Variants in SSBP4 observed in about 807,000 individuals in gnomAD.
The protein encoded by SSBP4 is single-stranded DNA-binding protein 4.
In SSBP4, 33 loss-of-function variants were observed where a neutral mutation model predicts 64.6. That is an observed-to-expected ratio of 0.51 (90% CI 0.39 to 0.68). SSBP4 has a LOEUF of 0.68. Among genes scored for constraint, SSBP4 ranks in the 30% least tolerant of loss-of-function variants. SSBP4 has a pLI of 0.00. For missense variants in SSBP4, 583 were observed against 566.8 expected, an observed-to-expected ratio of 1.03 and a Z score of -0.29; for synonymous variants, 243 against 224.0, an observed-to-expected ratio of 1.08 and a Z score of -0.76.
Position 18,434,284 on chromosome 19 carries a change from T to C in SSBP4, c.*38T>C. ...CCCGGGCCTCTCTGCGGGCCTAGGC[T>C]TCTGCCCAGCGCCCCTGCTCAGGGC... On this transcript the variant is annotated 3_prime_UTR_variant, in exon 18 of 18. Coordinates refer to ENST00000270061, the MANE Select transcript of SSBP4 (RefSeq NM_032627.5). The C allele has an allele frequency of 1.2e-6, 2 of 1,608,184 alleles. No homozygotes were observed. The highest frequency in any genetic ancestry group is 1.7e-6 in the Non-Finnish European group (2 of 1,177,862).
intron 1 of SSBP4, among the ~76,000 whole-genome samples, chr19:18,424,162 T>G (rs1309504279): frequency 6.6e-6 from 1 of 152,186 alleles, no homozygotes; most frequent in Admixed American, 6.5e-5. Context: ...TCCTTTGGCC[T>G]CCCATCGCTC....
At chr19:18,408,457 C>A in the SSBP4 span, among the ~76,000 whole-genome samples, 1 of 151,942 alleles carries the variant, frequency 6.6e-6, no homozygotes, top group African/African-American at 2.4e-5. Flanking sequence ...AGATAATGCC[C>A]CTGAATTGAG....
intron 1 of SSBP4, among the ~76,000 whole-genome samples, chr19:18,421,837 T>C (rs1371584860): frequency 6.6e-6 from 1 of 152,038 alleles, no homozygotes; most frequent in Non-Finnish European, 1.5e-5. Context: ...TGGGAGGCCC[T>C]GGGGATGTGG....
At chr19:18,418,986 C>G, upstream of SSBP4, 1 of 985,628 alleles carries the variant, frequency 1.0e-6, no homozygotes, top group African/African-American at 1.7e-5. This position sits in a 1 kb window ranked among gnomAD's most constrained non-coding sequence, Gnocchi z 6.7. Flanking sequence ...GTGGGTAGCT[C>G]TGCGGGGTGA....
intron 8 of SSBP4, 59 bp downstream of exon 8, chr19:18,431,921 C>T (rs902341431): frequency 2.9e-5 from 45 of 1,564,362 alleles, no homozygotes; most frequent in Non-Finnish European, 3.8e-5. Context: ...GCTCTCAGAG[C>T]CCAGACCTTG....
chr19:18,430,085 C>A (rs1045952907), intron 4 of SSBP4, among the ~76,000 whole-genome samples: 2 of 152,328 alleles, frequency 1.3e-5, no homozygotes, highest in East Asian at 1.9e-4. Flanking sequence ...CCAGAGAGAG[C>A]CCATCACCTT....
At chr19:18,411,707 T>G in the SSBP4 span, among the ~76,000 whole-genome samples, 1 of 152,002 alleles carries the variant, frequency 6.6e-6, no homozygotes, top group Non-Finnish European at 1.5e-5. Context: ...TTTAACATAA[T>G]CATGTCAAAA....
At chr19:18,420,652 G>A (rs986125498) in intron 1 of SSBP4, among the ~76,000 whole-genome samples, 5 of 152,078 alleles carry the variant, frequency 3.3e-5, no homozygotes, top group Admixed American at 6.5e-5. Context: ...GAGGCCAAGA[G>A]ATCGAGACAA....
At position 18,419,660 on chromosome 19, in the gene SSBP4, G is replaced by T; in HGVS notation, c.12G>T (p.Lys4Asn). ...CGGCGTGGAGCAGCATGTACGCCAA[G>T]GGGGGCAAGGGTTCGGCCGTGCCCT... MYA[K>N]GGKGSAVPSD... is the part of the protein sequence containing the mutation. The change falls in exon 1 of 18, where the codon AAG becomes AAT. Residue 4 changes from lysine (K) to asparagine (N), a missense_variant. By Grantham distance (94) the Lys-to-Asn change is moderately conservative (BLOSUM62 0). Coordinates refer to ENST00000270061, the MANE Select transcript of SSBP4 (RefSeq NM_032627.5). The T allele has an allele frequency of 1.6e-6, 2 of 1,241,316 alleles. No homozygotes were observed. The highest frequency in any genetic ancestry group is 4.6e-5 in the South Asian group (2 of 43,154). 76.9% of individuals were successfully genotyped at this position (1,241,316 alleles called of 1,614,324 possible).
chr19:18,432,109 TCCCCGGTCTA>T, intron 9 of SSBP4, 28 bp from the exon 10 acceptor site: 1 of 1,607,576 alleles, frequency 6.2e-7, no homozygotes, highest in Non-Finnish European at 8.5e-7. Context: ...CTTCGGGCTG[TCCCCGGTCTA>T]CCCCTCACAG....
chr19:18,412,350 A>G, the SSBP4 span, among the ~76,000 whole-genome samples: 1 of 150,064 alleles, frequency 6.7e-6, no homozygotes, highest in East Asian at 2.0e-4. Context: ...AATCCCAGCT[A>G]CTCGGGAGGC....
rs111873317 is a variant in SSBP4, at chr19:18,426,878, C to A, written c.60-473C>A. Among the ~76,000 whole-genome samples, 2 of 152,142 alleles carry A rather than the reference C, an allele frequency of 1.3e-5. No homozygotes were observed. Among genetic ancestry groups the A allele is most frequent in the East Asian group, 1.9e-4 (1 of 5,190 alleles). On this transcript the variant is annotated intron_variant, in intron 1 of 17. Transcript: ENST00000270061. This position sits in a 1 kb window ranked among gnomAD's most constrained non-coding sequence, Gnocchi z 4.5. Reference sequence around the variant, plus strand: ...CCATGGTGGATGGGCATCTCTTCCCCAAGGAAGAGATGGGGTCCAGGGACT... The same window carrying A: ...CCATGGTGGATGGGCATCTCTTCCCAAAGGAAGAGATGGGGTCCAGGGACT...
At chr19:18,415,193 G>C (rs1327145714), upstream of SSBP4, among the ~76,000 whole-genome samples, 2 of 152,144 alleles carry the variant, frequency 1.3e-5, no homozygotes, top group Non-Finnish European at 2.9e-5. Context: ...GAGAGGAAAC[G>C]GTCTCCTAGC....
intron 4 of SSBP4, 27 bp downstream of exon 4, chr19:18,428,009 G>A (rs1831679784): frequency 6.2e-7 from 1 of 1,602,954 alleles, no homozygotes; most frequent in Admixed American, 1.7e-5. Context: ...GGGACTCAGG[G>A]GCTCCAGGGC....
the SSBP4 span, among the ~76,000 whole-genome samples, chr19:18,409,282 G>A: frequency 5.3e-5 from 8 of 151,100 alleles, no homozygotes; most frequent in South Asian, 1.5e-3. Flanking sequence ...TACCTCCCAG[G>A]TTCAAGCGAT....
chr19:18,434,111 C>G, intron 17 of SSBP4, 106 bp from the exon 18 acceptor site: 1 of 1,531,454 alleles, frequency 6.5e-7, no homozygotes, highest in Non-Finnish European at 8.8e-7. Context: ...CCCATGTCTG[C>G]CCAGGACCCA....
At chr19:18,409,143 C>T in the SSBP4 span, among the ~76,000 whole-genome samples, 2 of 150,998 alleles carry the variant, frequency 1.3e-5, no homozygotes, top group African/African-American at 4.9e-5. Context: ...GGAGATTAGA[C>T]AGTAATAGTG....
chr19:18,431,547 AG>A, intron 6 of SSBP4, 99 bp from the exon 7 acceptor site: 2 of 1,452,862 alleles, frequency 1.4e-6, no homozygotes, highest in Non-Finnish European at 1.8e-6. Context: ...GTTCTGGAGG[AG>A]GGGGCTCCCC....
chr19:18,409,187 C>CT, the SSBP4 span, among the ~76,000 whole-genome samples: 209 of 135,006 alleles, frequency 1.5e-3, no homozygotes, highest in Admixed American at 1.7e-3. Context: ...AGTGGCCATT[C>CT]TTTTTTTTTT....
Sources: gnomAD v4.1 joint callset for allele counts (sites outside exome capture counted in the v4.1 genomes callset) on GRCh38, gnomAD v4.1.1 for gene constraint, Gnocchi (gnomAD v3.1) non-coding constraint, MANE v1.5 for transcripts, NCBI Gene and HGNC (gene_info 2026-07-23, HGNC 2026-07-21) for gene names.